Variants in PHACTR3 observed in about 807,000 individuals in gnomAD.
The protein encoded by PHACTR3 is phosphatase and actin regulator 3.
Under a neutral mutation model 66.8 loss-of-function variants are expected in PHACTR3, and 16 were observed. The ratio of observed to expected loss-of-function variants is 0.24; its 90% CI spans 0.16 to 0.36. PHACTR3 has a LOEUF of 0.36. PHACTR3 is among the 10% of genes least tolerant of loss of function. The pLI, the probability that PHACTR3 is intolerant of heterozygous loss-of-function variation, is 1.00. For synonymous variants in PHACTR3, 323 were observed against 292.1 expected (o/e 1.11, Z -1.08); for missense variants, 647 against 719.9 (o/e 0.90, Z 1.16).
intron 1 of PHACTR3, among the ~76,000 whole-genome samples, chr20:59,740,567 G>A (rs1047149864): frequency 1.3e-5 from 2 of 152,190 alleles, no homozygotes; most frequent in Admixed American, 6.5e-5. Flanking sequence ...AAAGCATTAC[G>A]ATTACAGGCA....
Position 59,774,348 on chromosome 20 carries a change from C to T in PHACTR3, c.1032C>T (p.Ser344=). 6.2e-7 allele frequency: 1 copy of T among 1,614,110 alleles called. No homozygotes were observed. The highest frequency in any genetic ancestry group is 1.3e-5 in the African/African-American group (1 of 75,020). Residue 344 remains serine, a synonymous_variant, in exon 7 of 13, where the codon AGC becomes AGT. Coordinates refer to ENST00000371015, the MANE Select transcript of PHACTR3 (RefSeq NM_080672.5). Reference sequence around the variant, plus strand: ...GCAAGGAGAGGGAGGAGGCTTGGAGCTTTGACGGGGCATTGGAGAACAAGC... The same window carrying T: ...GCAAGGAGAGGGAGGAGGCTTGGAGTTTTGACGGGGCATTGGAGAACAAGC... ...ERGKEREEAW[S]FDGALENKRT...
At chr20:59,696,538 T>G (rs1051314145) in intron 1 of PHACTR3, among the ~76,000 whole-genome samples, 6 of 152,086 alleles carry the variant, frequency 3.9e-5, no homozygotes, top group Non-Finnish European at 5.9e-5. Context: ...GGGGTTTTTC[T>G]CCCTGGTCTC....
At chr20:59,703,704 A>AGTGT (rs11474250) in intron 1 of PHACTR3, among the ~76,000 whole-genome samples, 1,664 of 151,076 alleles carry the variant, frequency 0.011, 42 homozygotes, top group African/African-American at 0.036. Context: ...TGTGTGTGTG[A>AGTGT]GTGTGTGTGT....
At chr20:59,581,179 C>T (rs779072870) in intron 1 of PHACTR3, among the ~76,000 whole-genome samples, 1 of 152,262 alleles carries the variant, frequency 6.6e-6, no homozygotes, top group Non-Finnish European at 1.5e-5. Flanking sequence ...CTGTGCCCAC[C>T]TGACCTGCAA....
intron 1 of PHACTR3, among the ~76,000 whole-genome samples, chr20:59,653,121 T>A (rs974094554): frequency 2.6e-5 from 4 of 152,318 alleles, no homozygotes; most frequent in African/African-American, 9.6e-5. Flanking sequence ...TTCTTATAAT[T>A]GAAGACAGAT....
Position 59,820,375 on chromosome 20 carries a change from G to A in PHACTR3, c.1328+14181G>A, listed in dbSNP as rs1017219909. Among the ~76,000 whole-genome samples the A allele has an allele frequency of 4.6e-5, 7 of 152,350 alleles. No homozygotes were observed. The highest frequency in any genetic ancestry group is 2.0e-4 in the Admixed American group (3 of 15,308). On this transcript the variant is annotated intron_variant, in intron 8 of 12. Transcript: ENST00000371015. The surrounding 1 kb of genome is among the most constrained non-coding windows in gnomAD (Gnocchi z 4.6). The stretch of plus-strand genomic sequence containing the variant: ...AGGCCGGGGCAGGCAAGGCCAGCAC[G>A]GATCAGGCAAAATGGTGGCTATCAT...
chr20:59,680,487 C>T (rs563150540), intron 1 of PHACTR3, among the ~76,000 whole-genome samples: 3 of 152,298 alleles, frequency 2.0e-5, no homozygotes, highest in African/African-American at 7.2e-5. Flanking sequence ...CGCCTGCGAA[C>T]ATCATGCAGT....
intron 10 of PHACTR3, 36 bp downstream of exon 10, chr20:59,840,466 G>A (rs749232468): frequency 1.2e-6 from 2 of 1,610,230 alleles, no homozygotes; most frequent in Admixed American, 1.7e-5. Context: ...ATAATAAAAG[G>A]TGGTCTAGAG....
chr20:59,672,350 C>G (rs754586721), intron 1 of PHACTR3, among the ~76,000 whole-genome samples: 5 of 152,354 alleles, frequency 3.3e-5, no homozygotes, highest in Non-Finnish European at 7.3e-5. Flanking sequence ...AGTTTCCCAT[C>G]TCTAAAGTGG....
intron 1 of PHACTR3, among the ~76,000 whole-genome samples, chr20:59,713,579 C>T (rs549199158): frequency 6.6e-6 from 1 of 152,100 alleles, no homozygotes; most frequent in Non-Finnish European, 1.5e-5. Context: ...TCCATGTTAC[C>T]GGGTTTGATA....
At chr20:59,681,402 T>A (rs1344620110) in intron 1 of PHACTR3, among the ~76,000 whole-genome samples, 1 of 152,202 alleles carries the variant, frequency 6.6e-6, no homozygotes, top group East Asian at 1.9e-4. Flanking sequence ...CCAAAAAATT[T>A]GTAAAACATT....
intron 1 of PHACTR3, among the ~76,000 whole-genome samples, chr20:59,585,975 C>A (rs1176048861): frequency 1.3e-5 from 2 of 152,180 alleles, no homozygotes; most frequent in Non-Finnish European, 2.9e-5. Context: ...TATTTTTAGA[C>A]CGTCTTGAAT....
Position 59,595,122 on chromosome 20 carries a change from T to C in PHACTR3, c.109+17505T>C, listed in dbSNP as rs58761230. The stretch of plus-strand genomic sequence containing the variant: ...TTATCTTTTTGTTACTAATTTCTAG[T>C]TTAATTTCACTGTGGCCTGAGAGCA... On this transcript the variant is annotated intron_variant, in intron 1 of 12. Transcript: ENST00000359926. Among the ~76,000 whole-genome samples, 878 of 152,348 alleles carry C rather than the reference T, an allele frequency of 5.8e-3. 9 individuals carry two copies. The highest frequency in any genetic ancestry group is 0.02 in the African/African-American group (824 of 41,578).
At chr20:59,689,614 T>G (rs539487978) in intron 1 of PHACTR3, among the ~76,000 whole-genome samples, 1 of 152,198 alleles carries the variant, frequency 6.6e-6, no homozygotes, top group East Asian at 1.9e-4. Context: ...TGAAACAATA[T>G]TGAACCCCCT....
intron 1 of PHACTR3, among the ~76,000 whole-genome samples, chr20:59,644,269 T>C (rs892515438): frequency 2.6e-5 from 4 of 152,218 alleles, no homozygotes; most frequent in African/African-American, 9.7e-5. Flanking sequence ...ATCAAGTCAT[T>C]ACCAGCAAGG....
chr20:59,644,163 C>T (rs1041607709), intron 1 of PHACTR3, among the ~76,000 whole-genome samples: 2 of 152,144 alleles, frequency 1.3e-5, no homozygotes, highest in Admixed American at 1.3e-4. Flanking sequence ...AAGGCCATTG[C>T]GTGCCTGCAG....
intron 1 of PHACTR3, among the ~76,000 whole-genome samples, chr20:59,585,603 T>A (rs986660576): frequency 2.6e-5 from 4 of 152,176 alleles, no homozygotes; most frequent in African/African-American, 9.6e-5. Flanking sequence ...AGGGCAGCAG[T>A]GACTGGCGCA....
intron 8 of PHACTR3, among the ~76,000 whole-genome samples, chr20:59,827,140 G>A (rs910478349): frequency 1.1e-4 from 16 of 152,142 alleles, no homozygotes; most frequent in African/African-American, 3.6e-4. Context: ...AGGTAGAAGG[G>A]GCATGTTCAC....
intron 1 of PHACTR3, among the ~76,000 whole-genome samples, chr20:59,646,537 G>C (rs572738520): frequency 6.6e-6 from 1 of 152,260 alleles, no homozygotes; most frequent in South Asian, 2.1e-4. Context: ...AATGAAGCTT[G>C]TTTGTCAGTC....
Sources: gnomAD v4.1 joint callset for allele counts (sites outside exome capture counted in the v4.1 genomes callset) on GRCh38, gnomAD v4.1.1 for gene constraint, Gnocchi (gnomAD v3.1) non-coding constraint, MANE v1.5 for transcripts, NCBI Gene and HGNC (gene_info 2026-07-23, HGNC 2026-07-21) for gene names.